The following IL17RD variants were observed in gnomAD, a reference collection of about 807,000 sequenced individuals.
The protein encoded by IL17RD is interleukin 17 receptor D.
A neutral mutation model predicts 80.5 loss-of-function variants in IL17RD; 52 were observed. The ratio of observed to expected loss-of-function variants is 0.65; its 90% CI spans 0.52 to 0.81. The LOEUF (loss-of-function observed/expected upper bound fraction) is 0.81. Among genes scored for constraint, IL17RD ranks in the 40% least tolerant of loss-of-function variants. The probability of loss-of-function intolerance (pLI) is 0.00; values close to 1 mark genes in which losing one functional copy is unlikely to be tolerated. For missense variants in IL17RD, 1,024 were observed against 955.1 expected (o/e 1.07, Z -0.95); for synonymous variants, 416 against 391.8 (o/e 1.06, Z -0.73).
chr3:57,162,483 T>C (rs1316441888), intron 1 of IL17RD, among the ~76,000 whole-genome samples: 1 of 152,214 alleles, frequency 6.6e-6, no homozygotes, highest in Non-Finnish European at 1.5e-5. Flanking sequence ...AATACTCTAG[T>C]CACTGTGTAC....
In IL17RD at chr3:57,097,874, A is replaced by G. The variant is rs1042808164; in HGVS notation, c.1829T>C (p.Leu610Pro). ...GGAGTCGGCTGGTCCGGTTGCCCCA[A>G]GAACAGCCGCCTCTACCTTTAGGCA... ...DFCLKVEAAV[L>P]GATGPADSQH... Residue 610 changes from leucine (L) to proline (P), a missense_variant, in exon 12 of 13, where the codon CTT becomes CCT. Physicochemically the swap from Leu to Pro is moderately conservative, Grantham distance 98 (BLOSUM62 -3). Coordinates refer to ENST00000296318, the MANE Select transcript of IL17RD (RefSeq NM_017563.5). 2 of 1,613,748 alleles carry G rather than the reference A, an allele frequency of 1.2e-6. No individual in the cohort carries two copies. The highest frequency in any genetic ancestry group is 2.2e-5 in the East Asian group (1 of 44,892).
intron 1 of IL17RD, among the ~76,000 whole-genome samples, chr3:57,147,389 T>C (rs995663585): frequency 1.3e-5 from 2 of 152,208 alleles, no homozygotes; most frequent in Admixed American, 1.3e-4. Context: ...ATGGTGGAGC[T>C]GGGATTCGTG....
At position 57,093,001 on chromosome 3, in the gene IL17RD, G is replaced by T. The variant is rs1315457487; in HGVS notation, c.*3392C>A. 6.6e-6 allele frequency: 1 copy of T among 152,126 alleles called. No homozygotes were observed. The highest frequency in any genetic ancestry group is 1.5e-5 in the Non-Finnish European group (1 of 68,034). 9.4% of individuals were successfully genotyped at this position (152,126 alleles called of 1,614,324 possible). On this transcript the variant is annotated 3_prime_UTR_variant, in exon 13 of 13. Coordinates refer to ENST00000296318, the MANE Select transcript of IL17RD (RefSeq NM_017563.5). ...AATTTTTCATATAAAAATCCAGATT[G>T]TCAGCTTTTCTTGAAAAATGGGAAG... is the stretch of plus-strand genomic sequence containing the variant.
At chr3:57,136,669 G>T (rs1028169134) in intron 1 of IL17RD, among the ~76,000 whole-genome samples, 20 of 120,588 alleles carry the variant, frequency 1.7e-4, no homozygotes, top group African/African-American at 3.2e-5. Context: ...AAAAAACTTA[G>T]CTGATCTAAA....
rs1706738178 is a variant in IL17RD at position 57,098,207 on chromosome 3, C to T, written c.1496G>A (p.Arg499Lys). Residue 499 changes from arginine (R) to lysine (K), a missense_variant, in exon 12 of 13, where the codon AGA (arginine) becomes AAA (lysine). Physicochemically the swap from Arg to Lys is conservative, Grantham distance 26. Coordinates refer to ENST00000296318, the MANE Select transcript of IL17RD (RefSeq NM_017563.5). ...GAGCTGAGGAAGATTGTCCATGAGT[C>T]TGTACTTGGTACTCAGGTCTAGGAT... is the stretch of plus-strand genomic sequence containing the variant. ...PGILDLSTKYRLMDNLPQLCS... is the reference protein window; with the variant it reads ...PGILDLSTKYKLMDNLPQLCS... 3.1e-6 allele frequency: 5 copies of T among 1,613,812 alleles called. No homozygotes were observed. In the South Asian group the frequency reaches 5.5e-5, roughly 18 times the overall value.
At position 57,098,232 on chromosome 3, in the gene IL17RD, T is replaced by C. The variant is rs765461547; in HGVS notation, c.1471A>G (p.Ile491Val). Reference protein sequence around the residue: ...DYSCEGDVPGILDLSTKYRLM... With the variant: ...DYSCEGDVPGVLDLSTKYRLM... ...CTGTACTTGGTACTCAGGTCTAGGA[T>C]ACCGGGGACGTCTCCCTCGCAGGAA... The change falls in exon 12 of 13, where the codon ATC (isoleucine) becomes GTC (valine). Residue 491 changes from isoleucine to valine, a missense_variant. Transcript: ENST00000296318. 1.9e-6 allele frequency: 3 copies of C among 1,613,898 alleles called. No homozygotes were observed. Among genetic ancestry groups the C allele is most frequent in the Admixed American group, 3.3e-5 (2 of 60,008 alleles).
At chr3:57,133,353 ACT>A (rs1381227978) in intron 1 of IL17RD, among the ~76,000 whole-genome samples, 3 of 152,136 alleles carry the variant, frequency 2.0e-5, no homozygotes, top group Admixed American at 2.0e-4. Flanking sequence ...AATCTAGAAG[ACT>A]CTCTTTCCTA....
intron 1 of IL17RD, among the ~76,000 whole-genome samples, chr3:57,124,229 T>G (rs1707400582): frequency 6.6e-6 from 1 of 152,188 alleles, no homozygotes; most frequent in African/African-American, 2.4e-5. Context: ...CATGGTGCAC[T>G]TCTATTTTCC....
intron 1 of IL17RD, among the ~76,000 whole-genome samples, chr3:57,149,693 C>T (rs190600697): frequency 2.6e-5 from 4 of 152,304 alleles, no homozygotes; most frequent in East Asian, 1.9e-4. Flanking sequence ...CTGAATTGAA[C>T]GGTGCTGGGA....
chr3:57,092,028 CCTAA>C lies in IL17RD; in HGVS notation c.*4361_*4364del, dbSNP rs1479659051. ...GATGACCCAACACCCCATTTGGACT[CCTAA>C]CTGATATCTCAGTATCAGGAAAAGC... On this transcript the variant is annotated 3_prime_UTR_variant, in exon 13 of 13. Transcript: ENST00000296318. 8 of 152,624 alleles carry C rather than the reference CCTAA, an allele frequency of 5.2e-5. No homozygotes were observed. Among genetic ancestry groups the C allele is most frequent in the African/African-American group, 1.9e-4 (8 of 41,458 alleles). 9.5% of individuals were successfully genotyped at this position (152,624 alleles called of 1,614,324 possible). A position where few individuals can be genotyped will look rare whatever the true frequency, so the allele number is the denominator to read the frequency against.
intron 5 of IL17RD, 94 bp from the exon 6 acceptor site, chr3:57,106,248 G>C: frequency 2.3e-6 from 2 of 883,386 alleles, no homozygotes; most frequent in South Asian, 2.9e-5. Context: ...ATACTGTGCC[G>C]GGTGATGCTA....
Position 57,097,812 on chromosome 3 carries a change from C to A in IL17RD, c.1891G>T (p.Gly631Trp), listed in dbSNP as rs777804018. 12 of 1,607,376 alleles carry A rather than the reference C, an allele frequency of 7.5e-6. No individual in the cohort carries two copies. The highest frequency in any genetic ancestry group is 3.4e-5 in the Admixed American group (2 of 59,386). Residue 631 changes from glycine to tryptophan, a missense_variant, in exon 12 of 13, where the codon GGG (glycine) becomes TGG (tryptophan). Transcript: ENST00000296318. Reference protein sequence around the residue: ...ESQHGGLDQDGEARPALDGSA... With the variant: ...ESQHGGLDQDWEARPALDGSA... Reference sequence around the variant, plus strand: ...CCGTCAAGGGCAGGCCGGGCCTCCCCGTCTTGGTCCAGGCCCCCATGCTGA... The same window carrying A: ...CCGTCAAGGGCAGGCCGGGCCTCCCAGTCTTGGTCCAGGCCCCCATGCTGA...
Position 57,090,294 on chromosome 3 carries a change from A to G in IL17RD, c.*6099T>C, listed in dbSNP as rs1282056175. ...GGAAAAATTCTCTTTTAAAAAATTA[A>G]CAGTAAAAATAGGAGTTACTTACTA... On this transcript the variant is annotated 3_prime_UTR_variant, in exon 13 of 13. Coordinates refer to ENST00000296318, the MANE Select transcript of IL17RD (RefSeq NM_017563.5). 1 of 152,532 alleles carries G rather than the reference A, an allele frequency of 6.6e-6. No individual in the cohort carries two copies. Among genetic ancestry groups the G allele is most frequent in the Non-Finnish European group, 1.5e-5 (1 of 68,048 alleles). The allele number at this position is 152,532 out of a possible 1,614,324, so 9.4% of individuals were successfully genotyped here. A position where few individuals can be genotyped will look rare whatever the true frequency, so the allele number is the denominator to read the frequency against.
At chr3:57,134,492 A>G (rs1707679290) in intron 1 of IL17RD, 2 of 1,054,926 alleles carry the variant, frequency 1.9e-6, no homozygotes, top group Admixed American at 3.4e-5. Context: ...ATCACCACAC[A>G]TATCACAGCC....
chr3:57,138,647 T>A (rs1192460915), intron 1 of IL17RD, among the ~76,000 whole-genome samples: 1 of 151,996 alleles, frequency 6.6e-6, no homozygotes, highest in African/African-American at 2.4e-5. Flanking sequence ...ATAACGAGAA[T>A]ACTGGGGGCC....
intron 2 of IL17RD, among the ~76,000 whole-genome samples, chr3:57,119,516 G>A (rs1453279337): frequency 1.3e-5 from 2 of 152,104 alleles, no homozygotes; most frequent in Admixed American, 6.6e-5. Flanking sequence ...GTGACAGAGT[G>A]AGACTCTATC....
intron 1 of IL17RD, among the ~76,000 whole-genome samples, chr3:57,125,161 C>T (rs1238636819): frequency 2.0e-5 from 3 of 152,170 alleles, no homozygotes; most frequent in Admixed American, 1.3e-4. Context: ...AATCCCAGCA[C>T]TTTGGGAGGC....
At chr3:57,128,337 T>A (rs987274979) in intron 1 of IL17RD, among the ~76,000 whole-genome samples, 4 of 152,200 alleles carry the variant, frequency 2.6e-5, no homozygotes, top group Non-Finnish European at 5.9e-5. Flanking sequence ...ACCAAAGCCG[T>A]AATCGTGATT....
At chr3:57,150,515 C>T (rs1708038142) in intron 1 of IL17RD, 1 of 152,154 alleles carries the variant, frequency 6.6e-6, no homozygotes, top group South Asian at 2.1e-4. Flanking sequence ...AAGGGAACCA[C>T]ATCAGAAATA....
Sources: gnomAD v4.1 joint callset for allele counts (sites outside exome capture counted in the v4.1 genomes callset) on GRCh38, gnomAD v4.1.1 for gene constraint, MANE v1.5 for transcripts, NCBI Gene and HGNC (gene_info 2026-07-23, HGNC 2026-07-21) for gene names.